ZNF710: variants seen among roughly 807,000 people sequenced by gnomAD.
ZNF710 encodes zinc finger protein 710.
In ZNF710, 13 loss-of-function variants were observed where a neutral mutation model predicts 50.6. The ratio of observed to expected loss-of-function variants is 0.26; its 90% CI spans 0.17 to 0.41. The LOEUF is 0.41. Ranked by LOEUF, ZNF710 falls within the 10% of genes least tolerant of loss-of-function variation. The pLI is 1.00. For missense variants in ZNF710, 721 were observed against 936.6 expected (o/e 0.77, Z 3.01); for synonymous variants, 383 against 397.0 (o/e 0.96, Z 0.42).
chr15:90,015,595 CTTTTT>C (rs35261596), intron 1 of ZNF710, among the ~76,000 whole-genome samples: 2 of 136,818 alleles, frequency 1.5e-5, no homozygotes, highest in Admixed American at 7.3e-5. Flanking sequence ...CAATGCAATT[CTTTTT>C]TTTTTTTTTT....
intron 1 of ZNF710, among the ~76,000 whole-genome samples, chr15:90,015,972 C>G (rs1293982434): frequency 6.6e-6 from 1 of 152,098 alleles, no homozygotes; most frequent in African/African-American, 2.4e-5. Context: ...CCAATGTACA[C>G]TATGTACCAA....
At chr15:90,045,490 C>T (rs113547094) in intron 1 of ZNF710, 2 of 804,866 alleles carry the variant, frequency 2.5e-6, no homozygotes, top group African/African-American at 1.9e-5. Flanking sequence ...GATGGTTTCT[C>T]TGAGGGAGTC....
At chr15:89,999,641 C>T (rs980556619), upstream of ZNF710, among the ~76,000 whole-genome samples, 2 of 151,806 alleles carry the variant, frequency 1.3e-5, no homozygotes, top group Non-Finnish European at 2.9e-5. Context: ...AGTCATAGCT[C>T]AGAGCACCAG....
In ZNF710 at chr15:90,062,230, C is replaced by G. The variant is rs1176401637; in HGVS notation, c.-28-4880C>G. 2.0e-5 allele frequency among the ~76,000 whole-genome samples: 3 copies of G among 151,258 alleles called. No individual in the cohort carries two copies. Among genetic ancestry groups the G allele is most frequent in the Admixed American group, 6.6e-5 (1 of 15,170 alleles). On this transcript the variant is annotated intron_variant, in intron 1 of 4. Transcript: ENST00000268154. The surrounding 1 kb of genome is among the most constrained non-coding windows in gnomAD (Gnocchi z 5.6). ...TCTCTCCCTCTCCCTTTCTCTCTCTCTCTCTCTGATATGTCCTCCCTTCCC... is the reference window on the plus strand; with the variant it reads ...TCTCTCCCTCTCCCTTTCTCTCTCTGTCTCTCTGATATGTCCTCCCTTCCC...
intron 1 of ZNF710, among the ~76,000 whole-genome samples, chr15:90,017,683 G>C (rs1898492838): frequency 6.6e-6 from 1 of 151,940 alleles, no homozygotes; most frequent in Admixed American, 6.6e-5. Flanking sequence ...CTTGGTGAAG[G>C]TGGGAGTGTC....
chr15:90,056,296 C>G (rs907974527), intron 1 of ZNF710, among the ~76,000 whole-genome samples: 1 of 152,106 alleles, frequency 6.6e-6, no homozygotes, highest in Non-Finnish European at 1.5e-5. Flanking sequence ...TGCCTGTAAT[C>G]CCAGCTACTC....
chr15:90,036,745 C>G (rs193201818), intron 1 of ZNF710, among the ~76,000 whole-genome samples: 2 of 152,308 alleles, frequency 1.3e-5, no homozygotes, highest in African/African-American at 4.8e-5. Flanking sequence ...CCTCTTCACA[C>G]AGGAACCAGA....
chr15:90,052,970 G>T (rs138990000), intron 1 of ZNF710, among the ~76,000 whole-genome samples: 1 of 151,116 alleles, frequency 6.6e-6, no homozygotes, highest in East Asian at 1.9e-4. Flanking sequence ...AAAATAAAAT[G>T]TCTATCTCCC....
chr15:90,074,487 C>T (rs1265102776), intron 4 of ZNF710, 197 bp downstream of exon 4: 1 of 1,525,532 alleles, frequency 6.6e-7, no homozygotes, highest in Non-Finnish European at 8.8e-7. Flanking sequence ...CTTCAAAGGA[C>T]TTAAATGAGA....
chr15:90,001,883 T>TG lies in ZNF710; in HGVS notation c.-29+276dup, dbSNP rs1157411163. Reference sequence around the variant, plus strand: ...AAAGAGGGAGAGATGGCGTCTGGGGTGGGGGGGAGGGAGAGGAGGGGGAGG... The same window carrying TG: ...AAAGAGGGAGAGATGGCGTCTGGGGTGGGGGGGGAGGGAGAGGAGGGGGAGG... On this transcript the variant is annotated intron_variant, in intron 1 of 4. Coordinates refer to ENST00000268154, the MANE Select transcript of ZNF710 (RefSeq NM_198526.4). Among the ~76,000 whole-genome samples the TG allele has an allele frequency of 1.1e-3, 8 of 7,134 alleles. 1 individual carries two copies. The Middle Eastern group carries it at 0.21, about 191-fold the overall frequency. 4.7% of individuals were successfully genotyped at this position (7,134 alleles called of 152,430 possible).
chr15:90,024,377 T>TG (rs1049016012), intron 1 of ZNF710, among the ~76,000 whole-genome samples: 1 of 152,160 alleles, frequency 6.6e-6, no homozygotes, highest in African/African-American at 2.4e-5. Flanking sequence ...CAGACTATGT[T>TG]GGGGGTGGGA....
chr15:90,016,356 G>C (rs1374471366), intron 1 of ZNF710, among the ~76,000 whole-genome samples: 6 of 152,210 alleles, frequency 3.9e-5, no homozygotes, highest in African/African-American at 1.2e-4. Flanking sequence ...CATGGAGAGA[G>C]TTAGCCTTGG....
intron 1 of ZNF710, among the ~76,000 whole-genome samples, chr15:90,008,174 A>G (rs1046016957): frequency 6.6e-5 from 10 of 151,800 alleles, no homozygotes; most frequent in Admixed American, 6.6e-4. Flanking sequence ...TCAAAAGGTA[A>G]AACAACTGTT....
In ZNF710 at chr15:90,059,798, G is replaced by A. The variant is rs1899947750; in HGVS notation, c.-28-7312G>A. Among the ~76,000 whole-genome samples, 1 of 152,216 alleles carries A rather than the reference G, an allele frequency of 6.6e-6. No individual in the cohort carries two copies. The highest frequency in any genetic ancestry group is 2.4e-5 in the African/African-American group (1 of 41,456). On this transcript the variant is annotated intron_variant, in intron 1 of 4. Coordinates refer to ENST00000268154, the MANE Select transcript of ZNF710 (RefSeq NM_198526.4). The surrounding 1 kb of genome is among the most constrained non-coding windows in gnomAD (Gnocchi z 4.1). ...AGTTTCCCTTGAAGCCTCCTGCGAG[G>A]AGGACAACAGGGGAAACCAAGAGGC...
At chr15:90,039,891 C>T (rs1278582012) in intron 1 of ZNF710, among the ~76,000 whole-genome samples, 2 of 152,194 alleles carry the variant, frequency 1.3e-5, no homozygotes, top group African/African-American at 4.8e-5. Flanking sequence ...CACCAAAGTC[C>T]CCTCTTCGAG....
intron 1 of ZNF710, among the ~76,000 whole-genome samples, chr15:90,023,618 C>T (rs1010970014): frequency 1.3e-4 from 20 of 152,204 alleles, no homozygotes; most frequent in Admixed American, 6.5e-4. Context: ...CAAGAGTTCA[C>T]GGCTGCAGTG....
chr15:90,079,833 A>G lies in ZNF710; in HGVS notation c.*4A>G. The G allele has an allele frequency of 6.3e-7, 1 of 1,583,676 alleles. No homozygotes were observed. Among genetic ancestry groups the G allele is most frequent in the Non-Finnish European group, 8.6e-7 (1 of 1,167,800 alleles). On this transcript the variant is annotated 3_prime_UTR_variant, in exon 5 of 5. Coordinates refer to ENST00000268154, the MANE Select transcript of ZNF710 (RefSeq NM_198526.4). ...GGCCTACTACAATGTGCTATAGCGC[A>G]AGCTGGGCCACCCCTAACGGGGGCC...
chr15:90,000,707 G>A (rs1164145111), upstream of ZNF710, among the ~76,000 whole-genome samples: 1 of 152,172 alleles, frequency 6.6e-6, no homozygotes, highest in African/African-American at 2.4e-5. Context: ...CATAAGTGAA[G>A]CACACACACC....
rs934364138 is a variant in ZNF710 at position 90,067,710 on chromosome 15, C to T, written c.573C>T (p.Phe191=). The T allele has an allele frequency of 6.2e-7, 1 of 1,607,182 alleles. No homozygotes were observed. The highest frequency in any genetic ancestry group is 8.5e-7 in the Non-Finnish European group (1 of 1,176,826). Residue 191 remains phenylalanine (F), a synonymous_variant, in exon 2 of 5, where the codon TTC becomes TTT. Coordinates refer to ENST00000268154, the MANE Select transcript of ZNF710 (RefSeq NM_198526.4). This position sits in a 1 kb window ranked among gnomAD's most constrained non-coding sequence, Gnocchi z 8.1. ...ACGTGGCCCCATATGACCCTCACTTCCCGGCCCCGGCCCGGGATGGCTTCC... is the reference window on the plus strand; with the variant it reads ...ACGTGGCCCCATATGACCCTCACTTTCCGGCCCCGGCCCGGGATGGCTTCC... ...ELNVAPYDPH[F]PAPARDGFPE...
Sources: allele counts gnomAD v4.1 joint callset (sites outside exome capture counted in the v4.1 genomes callset), GRCh38; gene constraint gnomAD v4.1.1; non-coding constraint Gnocchi (gnomAD v3.1); transcripts MANE v1.5; gene names NCBI Gene and HGNC (gene_info 2026-07-23, HGNC 2026-07-21).